Variants in TMEM272 observed in about 807,000 individuals in gnomAD.
The protein encoded by TMEM272 is transmembrane protein 272.
TMEM272 carries 8 observed loss-of-function variants against 3.7 expected under a neutral mutation model. The ratio of observed to expected loss-of-function variants is 2.17; its 90% CI spans 1.27 to 3.91. TMEM272 has a LOEUF of 3.91. Ranked by LOEUF, TMEM272 falls within the 30% of genes most tolerant of loss-of-function variation. TMEM272 has a pLI of 0.00. For synonymous variants in TMEM272, 63 were observed against 39.8 expected, an observed-to-expected ratio of 1.58 and a Z score of -2.20; for missense variants, 166 against 91.5, an observed-to-expected ratio of 1.81 and a Z score of -3.32.
the TMEM272 span, among the ~76,000 whole-genome samples, chr13:51,860,843 A>ATG: frequency 5.8e-5 from 6 of 102,856 alleles, no homozygotes; most frequent in African/African-American, 2.1e-4. Context: ...GTGTGTGTAT[A>ATG]TATATGTATA....
chr13:51,839,645 T>TA (rs1284873517), intron 1 of TMEM272, among the ~76,000 whole-genome samples: 1 of 152,148 alleles, frequency 6.6e-6, no homozygotes, highest in East Asian at 1.9e-4. Context: ...AACTAGGGCT[T>TA]AGGGCAGGGG....
chr13:51,863,947 C>T, the TMEM272 span, among the ~76,000 whole-genome samples: 1 of 152,162 alleles, frequency 6.6e-6, no homozygotes, highest in East Asian at 1.9e-4. Context: ...TGCACTCTAA[C>T]CACCTTCCTA....
chr13:51,918,307 C>T, the TMEM272 span, among the ~76,000 whole-genome samples: 1 of 152,194 alleles, frequency 6.6e-6, no homozygotes, highest in African/African-American at 2.4e-5. Flanking sequence ...CATCTCAAGT[C>T]ATCTGTAACA....
At chr13:51,888,803 G>A in the TMEM272 span, among the ~76,000 whole-genome samples, 25,840 of 151,320 alleles carry the variant, frequency 0.17, 2,273 homozygotes, top group Middle Eastern at 0.24. Flanking sequence ...CTGCCACCAC[G>A]CCTGGCTAAT....
At chr13:51,859,896 T>A in the TMEM272 span, among the ~76,000 whole-genome samples, 1 of 150,174 alleles carries the variant, frequency 6.7e-6, no homozygotes, top group Non-Finnish European at 1.5e-5. Context: ...GTTATTCTAT[T>A]TTTTTTTTTG....
chr13:51,878,803 T>C, the TMEM272 span, among the ~76,000 whole-genome samples: 5 of 152,252 alleles, frequency 3.3e-5, no homozygotes, highest in African/African-American at 1.2e-4. Context: ...TTTTGTTACA[T>C]ATTAAATTTA....
chr13:51,932,490 A>G, the TMEM272 span: 1 of 152,262 alleles, frequency 6.6e-6, no homozygotes, highest in African/African-American at 2.4e-5. Context: ...AAAGGGACTC[A>G]CACCAGTGCT....
chr13:51,817,198 G>A (rs1033068582), intron 4 of TMEM272, 85 bp from the exon 5 acceptor site: 34 of 629,224 alleles, frequency 5.4e-5, no homozygotes, highest in East Asian at 3.8e-4. Flanking sequence ...CGGTGGTGGG[G>A]TGTTGGCAGG....
upstream of TMEM272, among the ~76,000 whole-genome samples, chr13:51,847,912 C>T (rs770154227): frequency 1.3e-4 from 20 of 152,154 alleles, no homozygotes; most frequent in African/African-American, 1.9e-4. Flanking sequence ...TGTCCCCAAA[C>T]ATGCAGCAAA....
At chr13:51,881,638 G>A in the TMEM272 span, among the ~76,000 whole-genome samples, 301 of 152,194 alleles carry the variant, frequency 2.0e-3, no homozygotes, top group African/African-American at 6.9e-3. Context: ...TCTTTAGGAG[G>A]TGACTGGGTC....
the TMEM272 span, chr13:51,909,047 T>G: frequency 6.8e-7 from 1 of 1,480,180 alleles, no homozygotes; most frequent in Non-Finnish European, 9.4e-7. Context: ...TCGTTTCAGA[T>G]GAAGGCCGAC....
the TMEM272 span, among the ~76,000 whole-genome samples, chr13:51,926,493 C>T: frequency 5.3e-5 from 8 of 152,192 alleles, no homozygotes; most frequent in Admixed American, 3.9e-4. Context: ...TCAGAGTAAA[C>T]CCATGGATGA....
the TMEM272 span, among the ~76,000 whole-genome samples, chr13:51,923,236 G>A: frequency 6.6e-6 from 1 of 152,190 alleles, no homozygotes; most frequent in Non-Finnish European, 1.5e-5. Context: ...CTACACTTTT[G>A]ACAAACCAAG....
the TMEM272 span, chr13:51,908,481 G>A: frequency 2.0e-6 from 3 of 1,526,838 alleles, no homozygotes; most frequent in Admixed American, 1.7e-5. Flanking sequence ...AGGGAAAGGA[G>A]GTCCTCTTCT....
At chr13:51,842,344 A>C (rs984301787) in intron 1 of TMEM272, among the ~76,000 whole-genome samples, 3 of 152,256 alleles carry the variant, frequency 2.0e-5, no homozygotes, top group Non-Finnish European at 4.4e-5. Context: ...AAATTCAAGA[A>C]GTATTATTTG....
chr13:51,817,286 G>A (rs1375249823), intron 4 of TMEM272, among the ~76,000 whole-genome samples, 173 bp from the exon 5 acceptor site: 1 of 152,184 alleles, frequency 6.6e-6, no homozygotes, highest in African/African-American at 2.4e-5. Flanking sequence ...ATCAAGCAAC[G>A]AAATTTAATT....
chr13:51,905,451 A>T, the TMEM272 span, among the ~76,000 whole-genome samples: 2 of 152,192 alleles, frequency 1.3e-5, no homozygotes, highest in Admixed American at 1.3e-4. Context: ...CCTTCTTCAG[A>T]GCAACCCAAG....
At chr13:51,848,060 T>C (rs1956314994), upstream of TMEM272, among the ~76,000 whole-genome samples, 2 of 152,238 alleles carry the variant, frequency 1.3e-5, no homozygotes, top group East Asian at 3.9e-4. Flanking sequence ...ATAGTAATAA[T>C]AGCTCTATCA....
chr13:51,884,446 C>T, the TMEM272 span, among the ~76,000 whole-genome samples: 1 of 152,150 alleles, frequency 6.6e-6, no homozygotes, highest in Non-Finnish European at 1.5e-5. Context: ...TTGATAACAA[C>T]ATGAACAAAT....
Sources: gnomAD v4.1 joint callset for allele counts (sites outside exome capture counted in the v4.1 genomes callset) on GRCh38, gnomAD v4.1.1 for gene constraint, MANE v1.5 for transcripts, NCBI Gene and HGNC (gene_info 2026-07-23, HGNC 2026-07-21) for gene names.